TPCN1: variants seen among roughly 807,000 people sequenced by gnomAD.
TPCN1 encodes the protein two pore channel protein 1.
Under a neutral mutation model 108.8 loss-of-function variants are expected in TPCN1, and 52 were observed. The observed-to-expected ratio is 0.48, with a 90% CI of 0.38 to 0.60. The LOEUF (loss-of-function observed/expected upper bound fraction) is 0.60. Ranked by LOEUF, TPCN1 falls within the 20% of genes least tolerant of loss-of-function variation. The pLI is 0.00. For synonymous variants in TPCN1, 446 were observed against 433.7 expected (o/e 1.03, Z -0.35); for missense variants, 806 against 1,072.8 (o/e 0.75, Z 3.47).
chr12:113,243,117 C>G (rs550012446), intron 2 of TPCN1, among the ~76,000 whole-genome samples: 2 of 152,344 alleles, frequency 1.3e-5, no homozygotes, highest in South Asian at 4.1e-4. Flanking sequence ...CACCTGTAAT[C>G]CCAGCATTTT....
intron 2 of TPCN1, chr12:113,245,982 G>C (rs765929489): frequency 1.5e-5 from 7 of 455,992 alleles, no homozygotes; most frequent in African/African-American, 1.2e-4. Context: ...CCGATGTGGC[G>C]TGCAAAGCAG....
At chr12:113,241,157 C>G (rs569006445) in intron 2 of TPCN1, among the ~76,000 whole-genome samples, 17 of 152,308 alleles carry the variant, frequency 1.1e-4, no homozygotes, top group Non-Finnish European at 1.8e-4. Flanking sequence ...GAAACTGAAG[C>G]AAAAGGAAGG....
Position 113,296,414 on chromosome 12 carries a change from G to A in TPCN1, c.*338G>A, listed in dbSNP as rs530564825. On this transcript the variant is annotated 3_prime_UTR_variant, in exon 28 of 28. Coordinates refer to ENST00000335509, the MANE Select transcript of TPCN1 (RefSeq NM_017901.6). ...ATGTGGGCTGGCCTCCATCGGCCACGTCCAAAGCTGTCACTGCTACTGCTT... is the reference window on the plus strand; with the variant it reads ...ATGTGGGCTGGCCTCCATCGGCCACATCCAAAGCTGTCACTGCTACTGCTT... 8 of 271,832 alleles carry A rather than the reference G, an allele frequency of 2.9e-5. No homozygotes were observed. The East Asian group carries it at 3.3e-4, about 11-fold the overall frequency. The allele number at this position is 271,832 out of a possible 1,614,324, so 16.8% of individuals were successfully genotyped here.
chr12:113,268,185 C>T lies in TPCN1; in HGVS notation c.528+229C>T, dbSNP rs1010536861. The stretch of plus-strand genomic sequence containing the variant: ...GTGTTTGGTACCTGCCAGGCACTGG[C>T]GCAGTCACCTTCGAGAGAGATGTGC... On this transcript the variant is annotated intron_variant, in intron 5 of 27. Transcript: ENST00000335509. The surrounding 1 kb of genome is among the most constrained non-coding windows in gnomAD (Gnocchi z 7.3). 6.6e-6 allele frequency among the ~76,000 whole-genome samples: 1 copy of T among 152,174 alleles called. No individual in the cohort carries two copies. Among genetic ancestry groups the T allele is most frequent in the Admixed American group, 6.5e-5 (1 of 15,276 alleles).
chr12:113,223,791 G>C (rs1953363980), intron 1 of TPCN1, among the ~76,000 whole-genome samples: 1 of 152,130 alleles, frequency 6.6e-6, no homozygotes, highest in South Asian at 2.1e-4. Flanking sequence ...CGATCCACCT[G>C]CCTCGGCCTC....
chr12:113,286,038 T>C, intron 18 of TPCN1, 77 bp downstream of exon 18: 3 of 1,302,860 alleles, frequency 2.3e-6, no homozygotes, highest in East Asian at 2.3e-5. Flanking sequence ...CACACCCTGA[T>C]CCCGGGCCAT....
At chr12:113,235,338 T>A (rs1013326369) in intron 2 of TPCN1, among the ~76,000 whole-genome samples, 4 of 152,218 alleles carry the variant, frequency 2.6e-5, no homozygotes, top group African/African-American at 9.6e-5. Flanking sequence ...GGAGTGCTCA[T>A]TCTACATTCT....
rs903439295 is a variant in TPCN1, at chr12:113,258,093, G to A, written c.113-2275G>A. ...TTGTGATGATTTTACAGATATGCACGTAGGTCAAAATGTATCAAACTGTAT... is the reference window on the plus strand; with the variant it reads ...TTGTGATGATTTTACAGATATGCACATAGGTCAAAATGTATCAAACTGTAT... On this transcript the variant is annotated intron_variant, in intron 2 of 27. Coordinates refer to ENST00000335509, the MANE Select transcript of TPCN1 (RefSeq NM_017901.6). 3.3e-5 allele frequency among the ~76,000 whole-genome samples: 5 copies of A among 152,170 alleles called. No homozygotes were observed. The East Asian group carries it at 7.7e-4, about 23-fold the overall frequency.
intron 1 of TPCN1, among the ~76,000 whole-genome samples, chr12:113,226,341 C>G (rs1953469613): frequency 6.6e-6 from 1 of 152,164 alleles, no homozygotes; most frequent in Non-Finnish European, 1.5e-5. Context: ...AGTGCAGTGG[C>G]ATGATCTCTG....
chr12:113,278,136 C>A (rs1218842775), intron 12 of TPCN1, 53 bp from the exon 13 acceptor site: 3 of 1,529,352 alleles, frequency 2.0e-6, no homozygotes. Context: ...AGAAGCAAAG[C>A]ACAGTGGAAC....
rs548499718 is a variant in TPCN1 at position 113,296,567 on chromosome 12, G to C, written c.*491G>C. On this transcript the variant is annotated 3_prime_UTR_variant, in exon 28 of 28. Transcript: ENST00000335509. ...GGAAAGAACTCCCGGTCTCCAGGGT[G>C]GTATTTCAGTGTCTGTGATAATGTC... 9 of 156,252 alleles carry C rather than the reference G, an allele frequency of 5.8e-5. No individual in the cohort carries two copies. The South Asian group carries it at 1.8e-3, about 31-fold the overall frequency. 9.7% of individuals were successfully genotyped at this position (156,252 alleles called of 1,614,324 possible). A position where few individuals can be genotyped will look rare whatever the true frequency, so the allele number is the denominator to read the frequency against.
chr12:113,260,353 C>A lies in TPCN1; in HGVS notation c.113-15C>A. On this transcript the variant is annotated splice_polypyrimidine_tract_variant and intron_variant, in intron 2 of 27. Coordinates refer to ENST00000335509, the MANE Select transcript of TPCN1 (RefSeq NM_017901.6). ...GCCTGGGTGCCAAGTGAATCTCTCT[C>A]CTCTTCCAATGCAGATGGCGGCAGC... 7 of 1,486,952 alleles carry A rather than the reference C, an allele frequency of 4.7e-6. No homozygotes were observed. The highest frequency in any genetic ancestry group is 6.2e-6 in the Non-Finnish European group (7 of 1,120,686). 92.1% of individuals were successfully genotyped at this position (1,486,952 alleles called of 1,614,324 possible).
chr12:113,270,633 A>G (rs937325665), intron 7 of TPCN1, among the ~76,000 whole-genome samples: 2 of 151,820 alleles, frequency 1.3e-5, no homozygotes, highest in African/African-American at 4.8e-5. Context: ...GGCACCCACC[A>G]CCACACCCAG....
chr12:113,245,587 C>T (rs574845539), intron 2 of TPCN1, among the ~76,000 whole-genome samples: 8 of 117,736 alleles, frequency 6.8e-5, no homozygotes, highest in African/African-American at 2.0e-4. Context: ...GGCGACAGAG[C>T]AAGACTCCGT....
chr12:113,225,986 T>A (rs1953456115), intron 1 of TPCN1, among the ~76,000 whole-genome samples: 1 of 152,102 alleles, frequency 6.6e-6, no homozygotes, highest in South Asian at 2.1e-4. Context: ...GGACTACAGG[T>A]GTGCCACCTG....
At chr12:113,248,699 C>G (rs1049494006) in intron 2 of TPCN1, among the ~76,000 whole-genome samples, 2 of 152,178 alleles carry the variant, frequency 1.3e-5, no homozygotes, top group African/African-American at 4.8e-5. Flanking sequence ...GGTTGCGGGT[C>G]AGGTTCCACG....
chr12:113,294,472 C>CAA (rs1433283552), intron 27 of TPCN1, among the ~76,000 whole-genome samples: 4 of 151,954 alleles, frequency 2.6e-5, no homozygotes, highest in African/African-American at 9.7e-5. Flanking sequence ...ACTAAAATTA[C>CAA]AAAATTTAGC....
Position 113,229,918 on chromosome 12 carries a change from G to A in TPCN1, c.112+2954G>A, listed in dbSNP as rs144888453. On this transcript the variant is annotated intron_variant, in intron 2 of 27. Transcript: ENST00000335509. Reference sequence around the variant, plus strand: ...TCTTCAGCTGGCAACGAAGCCTTGCGTGTTCTAGTGCCTTCTTGCTTGACC... The same window carrying A: ...TCTTCAGCTGGCAACGAAGCCTTGCATGTTCTAGTGCCTTCTTGCTTGACC... Among the ~76,000 whole-genome samples, 12 of 152,280 alleles carry A rather than the reference G, an allele frequency of 7.9e-5. No homozygotes were observed. In the East Asian group the frequency reaches 1.7e-3, roughly 22 times the overall value.
intron 14 of TPCN1, 42 bp downstream of exon 14, chr12:113,278,877 C>T (rs367969168): frequency 1.1e-5 from 18 of 1,585,484 alleles, no homozygotes; most frequent in African/African-American, 4.0e-5. Flanking sequence ...AGCTGGGGGC[C>T]GATGGAGGTT....
Sources: allele counts gnomAD v4.1 joint callset (sites outside exome capture counted in the v4.1 genomes callset), GRCh38; gene constraint gnomAD v4.1.1; non-coding constraint Gnocchi (gnomAD v3.1); transcripts MANE v1.5; gene names NCBI Gene and HGNC (gene_info 2026-07-23, HGNC 2026-07-21).